The following SRPK3 variants were observed in gnomAD, a reference collection of about 807,000 sequenced individuals.
The protein encoded by SRPK3 is SRSF protein kinase 3.
SRPK3 carries 26 observed loss-of-function variants against 45.3 expected under a neutral mutation model. The observed-to-expected ratio is 0.57, with a 90% CI of 0.42 to 0.80. The LOEUF (loss-of-function observed/expected upper bound fraction) is 0.80. Ranked by LOEUF, SRPK3 falls within the 30% of genes least tolerant of loss-of-function variation. The pLI, the probability that SRPK3 is intolerant of heterozygous loss-of-function variation, is 0.00. For synonymous variants in SRPK3, 254 were observed against 226.6 expected (o/e 1.12, Z -1.09); for missense variants, 536 against 514.5 (o/e 1.04, Z -0.40).
Position 153,783,256 on chromosome X carries a change from G to C in SRPK3, c.774+5G>C. ...ACTGCCCCCCAGGAGGTCTTGGTAA[G>C]TTGGGGGGCCCCTCTCTCCCATGCC... On this transcript the variant is annotated splice_donor_5th_base_variant and intron_variant, in intron 8 of 14. Coordinates refer to ENST00000370101, the MANE Select transcript of SRPK3 (RefSeq NM_014370.4). The C allele has an allele frequency of 8.4e-7, 1 of 1,188,830 alleles. No homozygotes were observed. Among genetic ancestry groups the C allele is most frequent in the Non-Finnish European group, 1.1e-6 (1 of 882,957 alleles).
rs1490938702 is a variant in SRPK3 at position 153,785,560 on chromosome X, G to A, written c.*40G>A. The stretch of plus-strand genomic sequence containing the variant: ...CCACCTCCAGCTCTCCGTGCCTTAA[G>A]GGAAAAGCGGGACAGCTCCCACCAC... On this transcript the variant is annotated 3_prime_UTR_variant, in exon 15 of 15. Transcript: ENST00000370101. 2 of 1,177,626 alleles carry A rather than the reference G, an allele frequency of 1.7e-6. No individual in the cohort carries two copies. Among genetic ancestry groups the A allele is most frequent in the Non-Finnish European group, 2.3e-6 (2 of 873,221 alleles).
In SRPK3 at chrX:153,782,355, G is replaced by A. The variant is rs2092057406; in HGVS notation, c.475+147G>A. The A allele has an allele frequency of 2.5e-5, 12 of 481,613 alleles. No individual in the cohort carries two copies. The South Asian group carries it at 3.8e-4, about 15-fold the overall frequency. The allele number at this position is 481,613 out of a possible 1,213,427, so 39.7% of individuals were successfully genotyped here. ...AGCCTCTGGCACGACCCCGCCCCCA[G>A]GTAACTGTGTTTACGTGGAGGCAGT... On this transcript the variant is annotated intron_variant, in intron 5 of 14. Transcript: ENST00000370101.
intron 8 of SRPK3, among the ~76,000 whole-genome samples, chrX:153,783,457 C>T (rs1314033070): frequency 2.7e-5 from 3 of 112,832 alleles, no homozygotes; most frequent in East Asian, 2.8e-4. Context: ...CTGTCTTCCC[C>T]GAATGGCCAC....
Position 153,784,308 on chromosome X carries a change from T to C in SRPK3, c.1162T>C (p.Ser388Pro). Residue 388 changes from serine to proline, a missense_variant, in exon 11 of 15, where the codon TCG becomes CCG. Ser to Pro is a moderately conservative substitution (Grantham distance 74, BLOSUM62 -1). Coordinates refer to ENST00000370101, the MANE Select transcript of SRPK3 (RefSeq NM_014370.4). Reference protein sequence around the residue: ...LLSPSTPFGASNLLVNPLEPQ... With the variant: ...LLSPSTPFGAPNLLVNPLEPQ... Reference sequence around the variant, plus strand: ...GCCTTCCCCAGCACCATTCGGTGCCTCGAACCTCCTGGTGAACCCCCTGGA... The same window carrying C: ...GCCTTCCCCAGCACCATTCGGTGCCCCGAACCTCCTGGTGAACCCCCTGGA... The C allele has an allele frequency of 1.7e-6, 2 of 1,211,272 alleles. No homozygotes were observed. Among genetic ancestry groups the C allele is most frequent in the Non-Finnish European group, 2.2e-6 (2 of 895,485 alleles).
chrX:153,781,448 C>T (rs1293927408), intron 2 of SRPK3, 57 bp from the exon 3 acceptor site: 8 of 1,181,124 alleles, frequency 6.8e-6, no homozygotes, highest in African/African-American at 3.5e-5. Context: ...CCGAGGTGTT[C>T]GGGGGCCCAG....
rs200181044 is a variant in SRPK3 at position 153,785,033 on chromosome X, C to T, written c.1426+30C>T. 18 of 1,209,776 alleles carry T rather than the reference C, an allele frequency of 1.5e-5. 1 individual carries two copies. The Admixed American group carries it at 3.0e-4, about 20-fold the overall frequency. On this transcript the variant is annotated intron_variant, in intron 13 of 14. Coordinates refer to ENST00000370101, the MANE Select transcript of SRPK3 (RefSeq NM_014370.4). ...GGGGTGAGGGCTCTGGGCTCAGCCT[C>T]CCGGCCTCCCGGCCTGCCTGCCCCC...
At position 153,781,100 on chromosome X, in the gene SRPK3, C is replaced by T. The variant is rs781881517; in HGVS notation, c.14C>T (p.Thr5Met). The change falls in exon 1 of 15, where the codon ACG (threonine) becomes ATG (methionine). Residue 5 changes from threonine to methionine, a missense_variant. By Grantham distance (81) the Thr-to-Met change is moderately conservative. Transcript: ENST00000370101. MSAS[T>M]GGGGDSGGSG... is the part of the protein sequence containing the mutation. ...TGCGTGGCCGGGATGAGCGCCAGCA[C>T]GGGCGGTGGTGGGGACAGCGGCGGC... 1.6e-4 allele frequency: 176 copies of T among 1,110,126 alleles called. No individual in the cohort carries two copies. The highest frequency in any genetic ancestry group is 2.0e-4 in the Non-Finnish European group (167 of 848,425). The allele number at this position is 1,110,126 out of a possible 1,213,427, so 91.5% of individuals were successfully genotyped here. A position where few individuals can be genotyped will look rare whatever the true frequency, so the allele number is the denominator to read the frequency against.
At chrX:153,783,147 G>T (rs782001663) in intron 7 of SRPK3, 29 bp downstream of exon 7, 17 of 1,182,809 alleles carry the variant, frequency 1.4e-5, no homozygotes, top group Non-Finnish European at 1.9e-5. Context: ...GGGCTGGGTC[G>T]GGGCCTCTGG....
At position 153,782,897 on chromosome X, in the gene SRPK3, G is replaced by A. The variant is rs111731456; in HGVS notation, c.582+19G>A. On this transcript the variant is annotated intron_variant, in intron 6 of 14. Transcript: ENST00000370101. ...GAGGCAGGTGAGTGCCACCCACTGG[G>A]CTGCCCAGCCTGGCCTGGGCGGGAG... is the stretch of plus-strand genomic sequence containing the variant. The A allele has an allele frequency of 8.3e-7, 1 of 1,204,147 alleles. No homozygotes were observed. Among genetic ancestry groups the A allele is most frequent in the Non-Finnish European group, 1.1e-6 (1 of 890,680 alleles).
At position 153,781,051 on chromosome X, in the gene SRPK3, GC is replaced by G; in HGVS notation, c.-33del. Reference sequence around the variant, plus strand: ...GCGGCCGGGCCCCACAGGAGCAGCCGCCCGGGGCACCGGAGCTGCGGGCTGC... The same window carrying G: ...GCGGCCGGGCCCCACAGGAGCAGCCGCCGGGGCACCGGAGCTGCGGGCTGC... On this transcript the variant is annotated 5_prime_UTR_variant, in exon 1 of 15. Transcript: ENST00000370101. 9.7e-7 allele frequency: 1 copy of G among 1,034,607 alleles called. No homozygotes were observed. The highest frequency in any genetic ancestry group is 1.2e-6 in the Non-Finnish European group (1 of 814,240). The allele number at this position is 1,034,607 out of a possible 1,213,427, so 85.3% of individuals were successfully genotyped here. A position where few individuals can be genotyped will look rare whatever the true frequency, so the allele number is the denominator to read the frequency against.
In SRPK3 at chrX:153,784,825, C is replaced by T; in HGVS notation, c.1324C>T (p.Pro442Ser). 1.7e-6 allele frequency: 2 copies of T among 1,211,429 alleles called. No individual in the cohort carries two copies. Among genetic ancestry groups the T allele is most frequent in the Non-Finnish European group, 2.2e-6 (2 of 895,557 alleles). The change falls in exon 12 of 15, where the codon CCC becomes TCC. Residue 442 changes from proline (P) to serine (S), a missense_variant. Physicochemically the swap from Pro to Ser is moderately conservative, Grantham distance 74 (BLOSUM62 -1). Transcript: ENST00000370101. The part of the protein sequence containing the change: ...VEVLIGAEYG[P>S]PADIWSTACM... ...GGTGCTGATCGGCGCCGAATACGGC[C>T]CCCCGGCAGACATCTGGAGCACAGC...
Position 153,785,144 on chromosome X carries a change from G to A in SRPK3, c.1490G>A (p.Arg497His), listed in dbSNP as rs201190010. The change falls in exon 14 of 15, where the codon CGC becomes CAC. Residue 497 changes from arginine to histidine, a missense_variant. By Grantham distance (29) the Arg-to-His change is conservative. Coordinates refer to ENST00000370101, the MANE Select transcript of SRPK3 (RefSeq NM_014370.4). ...DIPPAFALSG[R>H]YSREFFNRRG... Reference sequence around the variant, plus strand: ...CCCCCAGCCTTCGCCCTCTCAGGCCGCTATTCCCGGGAGTTCTTCAACCGG... The same window carrying A: ...CCCCCAGCCTTCGCCCTCTCAGGCCACTATTCCCGGGAGTTCTTCAACCGG... The A allele has an allele frequency of 3.2e-5, 39 of 1,209,268 alleles. No homozygotes were observed. The Admixed American group carries it at 5.4e-4, about 17-fold the overall frequency.
At position 153,784,180 on chromosome X, in the gene SRPK3, C is replaced by T; in HGVS notation, c.1114C>T (p.Gln372Ter). The change falls in exon 10 of 15, where the codon CAG (glutamine) becomes TAG (stop). Residue 372 changes from glutamine (Q) to a stop codon, truncating the protein, a stop_gained. Transcript: ENST00000370101. LOFTEE classifies it high-confidence loss of function. ...SCSILSGSSN[Q>*]RETGGLLSPS... ...CTCCATCCTCTCCGGCTCGTCCAAT[C>T]AGCGAGAGACCGGGGGCCTCCTGTC... 5 of 1,210,981 alleles carry T rather than the reference C, an allele frequency of 4.1e-6. No individual in the cohort carries two copies. Among genetic ancestry groups the T allele is most frequent in the Non-Finnish European group, 4.5e-6 (4 of 895,457 alleles).
Position 153,784,394 on chromosome X carries a change from G to A in SRPK3, c.1248G>A (p.Val416=), listed in dbSNP as rs1557068221. ...CAGACCTGGGCAACGCCTGCTGGGTGGTATGAGCAAGTGTGGGAGAGCAGA... is the reference window on the plus strand; with the variant it reads ...CAGACCTGGGCAACGCCTGCTGGGTAGTATGAGCAAGTGTGGGAGAGCAGA... ...KIADLGNACW[V]HKHFTEDIQT... Residue 416 remains valine, a splice_region_variant and synonymous_variant, in exon 11 of 15, where the codon GTG becomes GTA. Coordinates refer to ENST00000370101, the MANE Select transcript of SRPK3 (RefSeq NM_014370.4). 2.5e-6 allele frequency: 3 copies of A among 1,209,235 alleles called. No homozygotes were observed. The highest frequency in any genetic ancestry group is 3.4e-6 in the Non-Finnish European group (3 of 894,086).
Position 153,781,240 on chromosome X carries a change from G to A in SRPK3, c.84G>A (p.Glu28=). 1 of 1,208,900 alleles carries A rather than the reference G, an allele frequency of 8.3e-7. No homozygotes were observed. Among genetic ancestry groups the A allele is most frequent in the Non-Finnish European group, 1.1e-6 (1 of 894,339 alleles). The part of the protein sequence containing the change: ...SSSSQASCGP[E]SSGSELALAT... Reference sequence around the variant, plus strand: ...GCTCACAGGCCTCCTGCGGGCCCGAGTCCTCGGGCTCCGAACTAGCCCTGG... The same window carrying A: ...GCTCACAGGCCTCCTGCGGGCCCGAATCCTCGGGCTCCGAACTAGCCCTGG... The change falls in exon 2 of 15, where the codon GAG becomes GAA. Residue 28 remains glutamate, a synonymous_variant. Coordinates refer to ENST00000370101, the MANE Select transcript of SRPK3 (RefSeq NM_014370.4).
chrX:153,783,660 G>A, intron 8 of SRPK3, 92 bp from the exon 9 acceptor site: 1 of 1,169,459 alleles, frequency 8.6e-7, no homozygotes. Context: ...GGCCCGGAGA[G>A]GCCTCTTCCC....
rs782274381 is a variant in SRPK3, at chrX:153,783,812, AAGCGGCTGCTGGAGG to A, written c.845_859del (p.Leu282_Leu286del). On this transcript the variant is annotated inframe_deletion, in exon 9 of 15. Coordinates refer to ENST00000370101, the MANE Select transcript of SRPK3 (RefSeq NM_014370.4). ...GATGAGGCGCAAACGGAAACAGCAG[AAGCGGCTGCTGGAGG>A]AGCGGCTGCGGGACCTGCAGAGGCT... is the stretch of plus-strand genomic sequence containing the variant. 1 of 1,207,001 alleles carries A rather than the reference AAGCGGCTGCTGGAGG, an allele frequency of 8.3e-7. No individual in the cohort carries two copies. Among genetic ancestry groups the A allele is most frequent in the Non-Finnish European group, 1.1e-6 (1 of 893,502 alleles).
intron 9 of SRPK3, 28 bp downstream of exon 9, chrX:153,783,912 G>A (rs782763597): frequency 1.3e-5 from 15 of 1,188,905 alleles, no homozygotes; most frequent in South Asian, 3.7e-5. Context: ...GTGATGGGCC[G>A]TGGAGCGCAG....
chrX:153,785,397 G>T lies in SRPK3; in HGVS notation c.1581G>T (p.Lys527Asn). ...HWGLYEVLME[K>N]YEWPLEQATQ... ...GCCTGTACGAGGTACTCATGGAAAA[G>T]TACGAGTGGCCCCTAGAGCAGGCCA... The change falls in exon 15 of 15, where the codon AAG (lysine) becomes AAT (asparagine). Residue 527 changes from lysine (K) to asparagine (N), a missense_variant. Physicochemically the swap from Lys to Asn is moderately conservative, Grantham distance 94. Transcript: ENST00000370101. The T allele has an allele frequency of 8.3e-7, 1 of 1,210,900 alleles. No individual in the cohort carries two copies. The highest frequency in any genetic ancestry group is 1.8e-5 in the South Asian group (1 of 57,046).
Sources: allele counts gnomAD v4.1 joint callset (sites outside exome capture counted in the v4.1 genomes callset), GRCh38; gene constraint gnomAD v4.1.1; transcripts MANE v1.5; gene names NCBI Gene and HGNC (gene_info 2026-07-23, HGNC 2026-07-21).